Variants in MECOM observed in about 807,000 individuals in gnomAD.
MECOM encodes the protein MDS1 and EVI1 complex locus, also known as histone-lysine N-methyltransferase MECOM.
Under a neutral mutation model 116.3 loss-of-function variants are expected in MECOM, and 13 were observed. That is an observed-to-expected ratio of 0.11 (90% CI 0.07 to 0.18). The LOEUF (loss-of-function observed/expected upper bound fraction) is 0.18. Ranked by LOEUF, MECOM falls within the 10% of genes least tolerant of loss-of-function variation. The probability of loss-of-function intolerance (pLI) is 1.00; values close to 1 mark genes in which losing one functional copy is unlikely to be tolerated. For synonymous variants in MECOM, 528 were observed against 535.2 expected (o/e 0.99, Z 0.19); for missense variants, 1,299 against 1,509.0 (o/e 0.86, Z 2.31).
chr3:169,625,793 G>A (rs1771296550), intron 1 of MECOM, among the ~76,000 whole-genome samples: 1 of 152,146 alleles, frequency 6.6e-6, no homozygotes, highest in African/African-American at 2.4e-5. Context: ...TGTGAGCTTC[G>A]TTTCCATCTG....
intron 1 of MECOM, among the ~76,000 whole-genome samples, chr3:169,457,542 T>C (rs1746734071): frequency 6.6e-6 from 1 of 152,196 alleles, no homozygotes; most frequent in South Asian, 2.1e-4. Flanking sequence ...TTATGTGTGC[T>C]AAGAAACAGA....
chr3:169,257,932 A>T (rs1430535467), intron 2 of MECOM, among the ~76,000 whole-genome samples: 2 of 152,228 alleles, frequency 1.3e-5, no homozygotes. Context: ...GCAGTGTAAG[A>T]AAAAGTAGCC....
At chr3:169,482,328 C>CTTTTTTTT (rs768771100) in intron 1 of MECOM, among the ~76,000 whole-genome samples, 2 of 108,368 alleles carry the variant, frequency 1.8e-5, no homozygotes, top group African/African-American at 3.6e-5. Flanking sequence ...AACCCACGTT[C>CTTTTTTTT]TTTTTTTTTT....
chr3:169,605,032 T>C (rs1329415114), intron 1 of MECOM, among the ~76,000 whole-genome samples: 1 of 152,152 alleles, frequency 6.6e-6, no homozygotes, highest in East Asian at 1.9e-4. Context: ...ATAGATACCA[T>C]TAAGAAACAC....
chr3:169,415,878 G>A (rs1738502848), intron 1 of MECOM, among the ~76,000 whole-genome samples: 1 of 152,108 alleles, frequency 6.6e-6, no homozygotes, highest in Non-Finnish European at 1.5e-5. Flanking sequence ...CATAAAGCAA[G>A]TTCTTAGGGA....
At chr3:169,482,091 T>C (rs1178257120) in intron 1 of MECOM, among the ~76,000 whole-genome samples, 1 of 152,150 alleles carries the variant, frequency 6.6e-6, no homozygotes, top group Non-Finnish European at 1.5e-5. Flanking sequence ...AGTACTTCAT[T>C]ACATTTCCAG....
At chr3:169,529,224 T>C (rs1170624923) in intron 1 of MECOM, among the ~76,000 whole-genome samples, 2 of 152,112 alleles carry the variant, frequency 1.3e-5, no homozygotes, top group Non-Finnish European at 2.9e-5. Flanking sequence ...AAGCTCACAA[T>C]CCACCAGGGA....
intron 2 of MECOM, among the ~76,000 whole-genome samples, chr3:169,159,821 T>C (rs557811928): frequency 6.6e-6 from 1 of 152,300 alleles, no homozygotes; most frequent in South Asian, 2.1e-4. Flanking sequence ...GTGTGACATA[T>C]GTAAAGTTAC....
At chr3:169,595,245 A>T (rs1766996782) in intron 1 of MECOM, among the ~76,000 whole-genome samples, 1 of 152,166 alleles carries the variant, frequency 6.6e-6, no homozygotes, top group Non-Finnish European at 1.5e-5. Flanking sequence ...ACCTTTCTAA[A>T]CCCAAAATGC....
intron 1 of MECOM, among the ~76,000 whole-genome samples, chr3:169,570,064 A>T (rs1424304962): frequency 6.6e-6 from 1 of 152,180 alleles, no homozygotes; most frequent in East Asian, 1.9e-4. Flanking sequence ...TTTTGAAAAG[A>T]TTAACAAAAT....
chr3:169,644,811 C>A (rs1773954286), intron 1 of MECOM, among the ~76,000 whole-genome samples: 1 of 152,070 alleles, frequency 6.6e-6, no homozygotes, highest in Non-Finnish European at 1.5e-5. Context: ...GAGGTTTGTG[C>A]AAAATTATTA....
intron 2 of MECOM, chr3:169,149,787 T>C (rs1195752521): frequency 2.4e-6 from 1 of 424,248 alleles, no homozygotes. Context: ...TGCATCATCA[T>C]TATTATTATA....
chr3:169,319,126 G>T (rs1720357222), intron 2 of MECOM, among the ~76,000 whole-genome samples: 1 of 151,086 alleles, frequency 6.6e-6, no homozygotes, highest in Admixed American at 6.6e-5. Flanking sequence ...ACATGCACAT[G>T]TATGTTTATT....
At chr3:169,469,674 G>A (rs1031641157) in intron 1 of MECOM, among the ~76,000 whole-genome samples, 2 of 151,918 alleles carry the variant, frequency 1.3e-5, no homozygotes, top group African/African-American at 4.8e-5. Context: ...TAAACTCTGT[G>A]TCCACAGAGA....
At chr3:169,089,317 TA>T in intron 15 of MECOM, 134 bp from the exon 16 acceptor site, 1 of 541,594 alleles carries the variant, frequency 1.8e-6, no homozygotes, top group Non-Finnish European at 2.9e-6. Context: ...ATGCATCAAT[TA>T]TTGGGTTTTT....
At chr3:169,231,714 T>G (rs1315761535) in intron 2 of MECOM, among the ~76,000 whole-genome samples, 1 of 150,696 alleles carries the variant, frequency 6.6e-6, no homozygotes, top group Non-Finnish European at 1.5e-5. Flanking sequence ...GATGAAGTCA[T>G]GAAGTGAGTG....
intron 3 of MECOM, among the ~76,000 whole-genome samples, chr3:169,138,612 G>T (rs1737107796): frequency 6.6e-6 from 1 of 152,042 alleles, no homozygotes; most frequent in Admixed American, 6.6e-5. Context: ...TGACTTAAAA[G>T]CAAAGCAAAG....
chr3:169,534,811 C>T (rs1310954520), intron 1 of MECOM, among the ~76,000 whole-genome samples: 6 of 152,158 alleles, frequency 3.9e-5, no homozygotes, highest in Non-Finnish European at 7.3e-5. Flanking sequence ...ACCACTTGTA[C>T]AAGTGGGATG....
At chr3:169,270,937 T>C (rs1477756869) in intron 2 of MECOM, among the ~76,000 whole-genome samples, 1 of 152,218 alleles carries the variant, frequency 6.6e-6, no homozygotes, top group African/African-American at 2.4e-5. Flanking sequence ...TTTAAATTTT[T>C]TGTAATACTG....
Sources: allele counts gnomAD v4.1 joint callset (sites outside exome capture counted in the v4.1 genomes callset), GRCh38; gene constraint gnomAD v4.1.1; transcripts MANE v1.5; gene names NCBI Gene and HGNC (gene_info 2026-07-23, HGNC 2026-07-21).